DCDC2: variants seen among roughly 807,000 people sequenced by gnomAD.
DCDC2 encodes doublecortin domain-containing protein 2.
DCDC2 carries 40 observed loss-of-function variants against 50.2 expected under a neutral mutation model. The observed-to-expected ratio is 0.80, with a 90% CI of 0.62 to 1.04. The LOEUF (loss-of-function observed/expected upper bound fraction) is 1.04. Among genes scored for constraint, DCDC2 ranks in the 50% least tolerant of loss-of-function variants. DCDC2 has a pLI of 0.00. For missense variants in DCDC2, 570 were observed against 581.9 expected (o/e 0.98, Z 0.21); for synonymous variants, 234 against 210.6 (o/e 1.11, Z -0.96).
chr6:24,242,944 A>G (rs979224878), intron 7 of DCDC2, among the ~76,000 whole-genome samples: 3 of 145,340 alleles, frequency 2.1e-5, no homozygotes, highest in Non-Finnish European at 4.5e-5. Context: ...CCTGGGAAAC[A>G]GAGCAAGATC....
intron 7 of DCDC2, among the ~76,000 whole-genome samples, chr6:24,275,866 A>ATTTTT (rs10685261): frequency 0.16 from 16,894 of 107,964 alleles, 2,102 homozygotes; most frequent in Middle Eastern, 0.22. Flanking sequence ...CAATAATTCA[A>ATTTTT]TTTTTTTTTT....
intron 7 of DCDC2, among the ~76,000 whole-genome samples, chr6:24,230,642 TCAAAA>T (rs142557687): frequency 0.034 from 5,192 of 152,000 alleles, 266 homozygotes; most frequent in African/African-American, 0.12. Context: ...ATACTCTGTC[TCAAAA>T]CAAAACAAAA....
At chr6:24,292,905 T>C (rs1168137889) in intron 4 of DCDC2, among the ~76,000 whole-genome samples, 1 of 152,206 alleles carries the variant, frequency 6.6e-6, no homozygotes, top group East Asian at 1.9e-4. Flanking sequence ...CACTGCCAAA[T>C]GTCCCCAAGG....
chr6:24,199,869 G>C (rs544518791), intron 8 of DCDC2, among the ~76,000 whole-genome samples: 1 of 152,050 alleles, frequency 6.6e-6, no homozygotes, highest in Admixed American at 6.6e-5. Flanking sequence ...TGAAACATAC[G>C]CAAGTATCAA....
chr6:24,373,529 G>A, the DCDC2 span, among the ~76,000 whole-genome samples: 1 of 152,148 alleles, frequency 6.6e-6, no homozygotes, highest in African/African-American at 2.4e-5. Context: ...AATGCCCACA[G>A]AACTAAATAA....
intron 8 of DCDC2, among the ~76,000 whole-genome samples, chr6:24,198,973 G>A (rs1178809836): frequency 6.6e-6 from 1 of 152,186 alleles, no homozygotes. Context: ...CTCCTCTCTG[G>A]GTAGGGCATC....
intron 2 of DCDC2, among the ~76,000 whole-genome samples, chr6:24,309,630 G>A (rs1759537147): frequency 6.6e-6 from 1 of 152,056 alleles, no homozygotes; most frequent in Non-Finnish European, 1.5e-5. Flanking sequence ...TGATGAATCT[G>A]TTCATAAAAA....
At position 24,215,399 on chromosome 6, in the gene DCDC2, TA is replaced by T. The variant is rs1454129732; in HGVS notation, c.923-10298del. Among the ~76,000 whole-genome samples, 36 of 152,252 alleles carry T rather than the reference TA, an allele frequency of 2.4e-4. 2 individuals carry two copies. The South Asian group carries it at 6.4e-3, about 27-fold the overall frequency. On this transcript the variant is annotated intron_variant, in intron 7 of 9. Coordinates refer to ENST00000378454, the MANE Select transcript of DCDC2 (RefSeq NM_016356.5). ...ATAATGAAGAGCAACTAAGGGACTT[TA>T]AGCATGGAGTGGGGTGCATGGGGCT...
At chr6:24,227,788 T>C (rs1405830047) in intron 7 of DCDC2, among the ~76,000 whole-genome samples, 1 of 152,142 alleles carries the variant, frequency 6.6e-6, no homozygotes. Flanking sequence ...TGACCAATAT[T>C]CACAATGACT....
intron 4 of DCDC2, among the ~76,000 whole-genome samples, chr6:24,291,476 ACTTTTTT>A (rs1763747298): frequency 8.2e-6 from 1 of 122,196 alleles, no homozygotes; most frequent in South Asian, 2.6e-4. Flanking sequence ...TTTTGTTAAT[ACTTTTTT>A]TTTTTTTTTT....
intron 8 of DCDC2, among the ~76,000 whole-genome samples, chr6:24,200,108 C>G (rs1051458481): frequency 6.6e-6 from 1 of 152,114 alleles, no homozygotes. Flanking sequence ...CCAGCAGAAC[C>G]TCCCCAAACT....
chr6:24,177,642 C>T (rs536385337), intron 9 of DCDC2, among the ~76,000 whole-genome samples: 2 of 152,284 alleles, frequency 1.3e-5, no homozygotes, highest in South Asian at 2.1e-4. Flanking sequence ...CATATTGTCC[C>T]GTGGAAGAAT....
chr6:24,265,952 T>TG (rs1271459335), intron 7 of DCDC2, among the ~76,000 whole-genome samples: 1 of 148,828 alleles, frequency 6.7e-6, no homozygotes, highest in African/African-American at 2.5e-5. Flanking sequence ...AAATAAATAG[T>TG]GGAAAAAAAA....
chr6:24,271,440 A>G (rs1763237377), intron 7 of DCDC2, among the ~76,000 whole-genome samples: 1 of 152,006 alleles, frequency 6.6e-6, no homozygotes, highest in East Asian at 1.9e-4. Context: ...TAAAGATGTG[A>G]CAATCCCAAA....
At chr6:24,370,471 G>A in the DCDC2 span, among the ~76,000 whole-genome samples, 1 of 152,208 alleles carries the variant, frequency 6.6e-6, no homozygotes, top group Non-Finnish European at 1.5e-5. Context: ...ACTTTGGGAG[G>A]CCAAGGCAGG....
intron 2 of DCDC2, among the ~76,000 whole-genome samples, chr6:24,308,903 A>G (rs1759522637): frequency 6.6e-6 from 1 of 152,196 alleles, no homozygotes; most frequent in African/African-American, 2.4e-5. Context: ...AAAAGCCGAG[A>G]GAATTGACTG....
intron 7 of DCDC2, among the ~76,000 whole-genome samples, chr6:24,224,112 T>C (rs796914802): frequency 4.3e-4 from 66 of 152,240 alleles, no homozygotes; most frequent in African/African-American, 1.6e-3. Context: ...TCCCTGACAG[T>C]CAGAGGTGGT....
At chr6:24,208,342 A>G (rs1238262073) in intron 7 of DCDC2, among the ~76,000 whole-genome samples, 2 of 148,416 alleles carry the variant, frequency 1.3e-5, no homozygotes, top group African/African-American at 5.0e-5. Flanking sequence ...AACAGAACCA[A>G]CAGCTCCCTC....
intron 7 of DCDC2, among the ~76,000 whole-genome samples, chr6:24,257,551 A>T (rs1762919652): frequency 6.6e-6 from 1 of 152,330 alleles, no homozygotes; most frequent in South Asian, 2.1e-4. Flanking sequence ...GATCTTATAG[A>T]AGAGATGATG....
Sources: allele counts gnomAD v4.1 joint callset (sites outside exome capture counted in the v4.1 genomes callset), GRCh38; gene constraint gnomAD v4.1.1; transcripts MANE v1.5; gene names NCBI Gene and HGNC (gene_info 2026-07-23, HGNC 2026-07-21).